Variants in SOCS5 observed in about 807,000 individuals in gnomAD.
SOCS5 encodes the protein CIS-6.
SOCS5 carries 32 observed loss-of-function variants against 42.8 expected under a neutral mutation model. That is an observed-to-expected ratio of 0.75 (90% CI 0.56 to 1.01). The LOEUF (loss-of-function observed/expected upper bound fraction) is 1.01. SOCS5 is among the 50% of genes least tolerant of loss of function. The pLI is 0.00. For synonymous variants in SOCS5, 283 were observed against 229.6 expected (o/e 1.23, Z -2.10); for missense variants, 627 against 653.0 (o/e 0.96, Z 0.43).
intron 1 of SOCS5, among the ~76,000 whole-genome samples, chr2:46,702,667 A>G (rs1320306449): frequency 1.3e-5 from 2 of 152,196 alleles, no homozygotes; most frequent in Admixed American, 6.5e-5. Flanking sequence ...TGATGACTTC[A>G]TTCATTAAGC....
chr2:46,700,239 T>C (rs1458584984), intron 1 of SOCS5, among the ~76,000 whole-genome samples: 1 of 152,214 alleles, frequency 6.6e-6, no homozygotes, highest in Non-Finnish European at 1.5e-5. Context: ...CAAGGAAATT[T>C]TGACATTTTC....
chr2:46,752,445 C>T (rs767447666), intron 1 of SOCS5, among the ~76,000 whole-genome samples: 3 of 152,144 alleles, frequency 2.0e-5, no homozygotes, highest in Non-Finnish European at 4.4e-5. Context: ...TACCCTTCCC[C>T]ATAATAGGCA....
rs754417196 is a variant in SOCS5 at position 46,760,017 on chromosome 2, C to T, written c.1487C>T (p.Thr496Ile). 5.0e-6 allele frequency: 8 copies of T among 1,614,080 alleles called. No individual in the cohort carries two copies. In the South Asian group the frequency reaches 8.8e-5, roughly 18 times the overall value. The change falls in exon 2 of 2, where the codon ACT becomes ATT. Residue 496 changes from threonine (T) to isoleucine (I), a missense_variant. By Grantham distance (89) the Thr-to-Ile change is moderately conservative (BLOSUM62 -1). Coordinates refer to ENST00000394861, the MANE Select transcript of SOCS5 (RefSeq NM_144949.3). ...YICRAVICRC[T>I]TYDGIDGLPL... ...TGTCGCGCGGTAATCTGCAGGTGCA[C>T]TACGTATGATGGAATTGATGGGCTC...
intron 1 of SOCS5, among the ~76,000 whole-genome samples, chr2:46,704,047 G>A (rs1672405926): frequency 6.6e-6 from 1 of 152,124 alleles, no homozygotes; most frequent in African/African-American, 2.4e-5. Context: ...ATATAATATA[G>A]CAAGAATATA....
chr2:46,735,403 G>A (rs1012809722), intron 1 of SOCS5, among the ~76,000 whole-genome samples: 4 of 152,138 alleles, frequency 2.6e-5, no homozygotes, highest in Non-Finnish European at 4.4e-5. Context: ...CATCTCATTG[G>A]CCAGAACTTA....
intron 1 of SOCS5, among the ~76,000 whole-genome samples, chr2:46,709,800 T>A (rs1458365391): frequency 6.6e-6 from 1 of 152,258 alleles, no homozygotes; most frequent in Non-Finnish European, 1.5e-5. Flanking sequence ...AATTTAGGAC[T>A]TCAGTGACAA....
intron 1 of SOCS5, among the ~76,000 whole-genome samples, chr2:46,705,709 C>G (rs941848360): frequency 6.6e-6 from 1 of 152,210 alleles, no homozygotes; most frequent in Admixed American, 6.5e-5. Context: ...TACATGAGAA[C>G]AGCAGTCCAA....
Position 46,760,285 on chromosome 2 carries a change from G to C in SOCS5, c.*144G>C. The C allele has an allele frequency of 1.6e-6, 1 of 634,922 alleles. No individual in the cohort carries two copies. Among genetic ancestry groups the C allele is most frequent in the Non-Finnish European group, 2.8e-6 (1 of 356,606 alleles). The allele number at this position is 634,922 out of a possible 1,614,324, so 39.3% of individuals were successfully genotyped here. A position where few individuals can be genotyped will look rare whatever the true frequency, so the allele number is the denominator to read the frequency against. ...TAGTATCTGTCAGATGCTACCTGCTGTTACTTATTCAGATAAACATGGTGC... is the reference window on the plus strand; with the variant it reads ...TAGTATCTGTCAGATGCTACCTGCTCTTACTTATTCAGATAAACATGGTGC... On this transcript the variant is annotated 3_prime_UTR_variant, in exon 2 of 2. Coordinates refer to ENST00000394861, the MANE Select transcript of SOCS5 (RefSeq NM_144949.3).
intron 1 of SOCS5, among the ~76,000 whole-genome samples, chr2:46,702,862 G>A (rs969166006): frequency 6.6e-6 from 1 of 152,160 alleles, no homozygotes; most frequent in Non-Finnish European, 1.5e-5. Context: ...TTAAAGAATG[G>A]TGAATTTCTC....
chr2:46,712,993 T>C (rs781247878), intron 1 of SOCS5, among the ~76,000 whole-genome samples: 1 of 152,228 alleles, frequency 6.6e-6, no homozygotes, highest in Non-Finnish European at 1.5e-5. Context: ...ATGGAATTTA[T>C]CAATGAAGCC....
intron 1 of SOCS5, among the ~76,000 whole-genome samples, chr2:46,708,870 A>G (rs1258714233): frequency 1.4e-5 from 2 of 145,296 alleles, no homozygotes; most frequent in African/African-American, 5.1e-5. Flanking sequence ...CAGATACTGA[A>G]TCCTGAAGCC....
At position 46,759,583 on chromosome 2, in the gene SOCS5, T is replaced by C. The variant is rs555197811; in HGVS notation, c.1053T>C (p.Val351=). ...RQISGDSHTH[V]SRQGAWKVHT... ...TATCTGGAGACAGCCATACCCATGT[T>C]AGCAGACAGGGAGCTTGGAAAGTCC... The change falls in exon 2 of 2, where the codon GTT becomes GTC. Residue 351 remains valine (V), a synonymous_variant. Coordinates refer to ENST00000394861, the MANE Select transcript of SOCS5 (RefSeq NM_144949.3). 3.7e-6 allele frequency: 6 copies of C among 1,613,986 alleles called. No homozygotes were observed. The South Asian group carries it at 6.6e-5, about 18-fold the overall frequency.
intron 1 of SOCS5, among the ~76,000 whole-genome samples, chr2:46,729,876 T>C (rs1369719510): frequency 1.3e-5 from 2 of 152,238 alleles, no homozygotes; most frequent in African/African-American, 2.4e-5. Context: ...TATTTTGTAG[T>C]AGTACTTGTT....
At chr2:46,703,431 A>T (rs1180970805) in intron 1 of SOCS5, among the ~76,000 whole-genome samples, 1 of 152,038 alleles carries the variant, frequency 6.6e-6, no homozygotes, top group Non-Finnish European at 1.5e-5. Flanking sequence ...GTTAACTCTC[A>T]TAATAAGGAT....
intron 1 of SOCS5, among the ~76,000 whole-genome samples, chr2:46,757,347 A>T (rs1432778772): frequency 6.6e-6 from 1 of 152,190 alleles, no homozygotes; most frequent in Non-Finnish European, 1.5e-5. Context: ...GTTGACTTTT[A>T]GCTACTGAAC....
chr2:46,744,048 G>A (rs1673442440), intron 1 of SOCS5, among the ~76,000 whole-genome samples: 2 of 151,676 alleles, frequency 1.3e-5, no homozygotes, highest in African/African-American at 4.8e-5. Context: ...AGAGTGCAGT[G>A]GCGCAATCTC....
At chr2:46,714,057 A>G (rs1228425531) in intron 1 of SOCS5, among the ~76,000 whole-genome samples, 1 of 152,192 alleles carries the variant, frequency 6.6e-6, no homozygotes, top group African/African-American at 2.4e-5. Flanking sequence ...TGATTGTTTT[A>G]TGGCCCAACA....
chr2:46,703,546 A>G (rs1672394062), intron 1 of SOCS5, among the ~76,000 whole-genome samples: 1 of 152,230 alleles, frequency 6.6e-6, no homozygotes, highest in Non-Finnish European at 1.5e-5. Flanking sequence ...AATCATGTGA[A>G]TAAATTAGTT....
At position 46,759,979 on chromosome 2, in the gene SOCS5, C is replaced by T. The variant is rs1673826344; in HGVS notation, c.1449C>T (p.Ser483=). Residue 483 remains serine (S), a synonymous_variant, in exon 2 of 2, where the codon AGC becomes AGT. Transcript: ENST00000394861. ...CACTAAATAGGACTTTCCCTTTTAG[C>T]CTGCAGTATATCTGTCGCGCGGTAA... ...TISLNRTFPF[S]LQYICRAVIC... 1.2e-6 allele frequency: 2 copies of T among 1,614,144 alleles called. No homozygotes were observed. The highest frequency in any genetic ancestry group is 1.7e-6 in the Non-Finnish European group (2 of 1,180,016).
Sources: allele counts gnomAD v4.1 joint callset (sites outside exome capture counted in the v4.1 genomes callset), GRCh38; gene constraint gnomAD v4.1.1; transcripts MANE v1.5; gene names NCBI Gene and HGNC (gene_info 2026-07-23, HGNC 2026-07-21).